GABRR2: variants seen among roughly 807,000 people sequenced by gnomAD.
GABRR2 encodes gamma-aminobutyric acid receptor subunit rho-2.
GABRR2 carries 36 observed loss-of-function variants against 47.0 expected under a neutral mutation model. That is an observed-to-expected ratio of 0.77 (90% CI 0.59 to 1.01). GABRR2 has a LOEUF of 1.01. GABRR2 is among the 50% of genes least tolerant of loss of function. The pLI is 0.00. For synonymous variants in GABRR2, 204 were observed against 227.5 expected (o/e 0.90, Z 0.93); for missense variants, 587 against 594.6 (o/e 0.99, Z 0.13).
At chr6:89,265,557 A>G (rs1380629266) in intron 7 of GABRR2, 56 bp downstream of exon 7, 6 of 1,537,710 alleles carry the variant, frequency 3.9e-6, no homozygotes, top group East Asian at 4.6e-5. Flanking sequence ...TTTTGTAAAC[A>G]TAGTGATAAG....
intron 2 of GABRR2, among the ~76,000 whole-genome samples, chr6:89,282,197 T>C (rs1320769603): frequency 6.6e-6 from 1 of 152,078 alleles, no homozygotes; most frequent in Non-Finnish European, 1.5e-5. Flanking sequence ...GCCCCCCTCC[T>C]CCACCACACC....
chr6:89,289,600 G>C (rs1223972112), intron 2 of GABRR2, among the ~76,000 whole-genome samples: 1 of 152,152 alleles, frequency 6.6e-6, no homozygotes, highest in East Asian at 1.9e-4. Flanking sequence ...TGTAAGGGAT[G>C]GGGGGCACGC....
At chr6:89,311,289 CA>C (rs1182752911) in intron 1 of GABRR2, among the ~76,000 whole-genome samples, 9 of 152,206 alleles carry the variant, frequency 5.9e-5, no homozygotes, top group African/African-American at 2.2e-4. Flanking sequence ...TCCTGGTCAG[CA>C]CAGTTTTACA....
intron 1 of GABRR2, among the ~76,000 whole-genome samples, chr6:89,306,779 TA>T (rs1328510716): frequency 8.4e-6 from 1 of 119,626 alleles, no homozygotes; most frequent in Non-Finnish European, 1.8e-5. Flanking sequence ...CAGTTATTAC[TA>T]AACAAAAAAA....
At chr6:89,277,628 T>G (rs1006680651) in intron 2 of GABRR2, among the ~76,000 whole-genome samples, 8 of 51,052 alleles carry the variant, frequency 1.6e-4, no homozygotes, top group African/African-American at 8.8e-4. Flanking sequence ...AAAACACACA[T>G]GTACCTGAAT....
intron 2 of GABRR2, among the ~76,000 whole-genome samples, chr6:89,280,169 A>G (rs1259446163): frequency 1.3e-5 from 2 of 148,266 alleles, no homozygotes; most frequent in Non-Finnish European, 3.0e-5. Flanking sequence ...AGATCGTGCC[A>G]CTATATTCCA....
At chr6:89,290,628 C>T (rs1351863727) in intron 2 of GABRR2, among the ~76,000 whole-genome samples, 3 of 152,208 alleles carry the variant, frequency 2.0e-5, no homozygotes, top group Non-Finnish European at 2.9e-5. Flanking sequence ...GAGCAGGGCC[C>T]CTCTTGCCTG....
Position 89,257,751 on chromosome 6 carries a change from A to C in GABRR2, c.1317T>G (p.His439Gln). ...QTGFRIFQNT[H>Q]AIDKYSRLIF... ...TCAACCTAGAGTATTTGTCAATGGC[A>C]TGGGTATTCTGGAAGATACGAAAAC... is the stretch of plus-strand genomic sequence containing the variant. The change falls in exon 9 of 9, where the codon CAT (histidine) becomes CAG (glutamine). Residue 439 changes from histidine to glutamine, a missense_variant. Physicochemically the swap from His to Gln is conservative, Grantham distance 24. Transcript: ENST00000402938. 1 of 1,614,014 alleles carries C rather than the reference A, an allele frequency of 6.2e-7. No homozygotes were observed. Among genetic ancestry groups the C allele is most frequent in the Non-Finnish European group, 8.5e-7 (1 of 1,179,862 alleles).
At position 89,265,721 on chromosome 6, in the gene GABRR2, T is replaced by C. The variant is rs1344350200; in HGVS notation, c.781A>G (p.Ile261Val). ...LYINFTLRRHIFFFLLQTYFP... is the reference protein window; with the variant it reads ...LYINFTLRRHVFFFLLQTYFP... Reference sequence around the variant, plus strand: ...TATGTTTGGAGCAAGAAGAAGAAGATGTGGCGACGCAACGTGAAGTTAATG... The same window carrying C: ...TATGTTTGGAGCAAGAAGAAGAAGACGTGGCGACGCAACGTGAAGTTAATG... The change falls in exon 7 of 9, where the codon ATC (isoleucine) becomes GTC (valine). Residue 261 changes from isoleucine to valine, a missense_variant. By Grantham distance (29) the Ile-to-Val change is conservative (BLOSUM62 3). Transcript: ENST00000402938. The C allele has an allele frequency of 2.5e-6, 4 of 1,613,908 alleles. No homozygotes were observed. Among genetic ancestry groups the C allele is most frequent in the Non-Finnish European group, 2.5e-6 (3 of 1,179,996 alleles).
rs548261145 is a variant in GABRR2 at position 89,295,243 on chromosome 6, C to T, written c.220+4516G>A. On this transcript the variant is annotated intron_variant, in intron 2 of 8. Coordinates refer to ENST00000402938, the MANE Select transcript of GABRR2 (RefSeq NM_002043.5). Reference sequence around the variant, plus strand: ...TATCTTCCACAATGGTTGAACTAGTCTACAGTCCCACCAACAGTGTAAAAG... The same window carrying T: ...TATCTTCCACAATGGTTGAACTAGTTTACAGTCCCACCAACAGTGTAAAAG... Among the ~76,000 whole-genome samples, 35 of 152,296 alleles carry T rather than the reference C, an allele frequency of 2.3e-4. No homozygotes were observed. In the South Asian group the frequency reaches 6.8e-3, roughly 30 times the overall value.
Position 89,255,109 on chromosome 6 carries a change from G to A in GABRR2, c.*2561C>T, listed in dbSNP as rs62416345. 0.13 allele frequency among the ~76,000 whole-genome samples: 19,578 copies of A among 152,122 alleles called. 1,520 individuals are homozygous for A. The highest frequency in any genetic ancestry group is 0.22 in the Middle Eastern group (65 of 294). The stretch of plus-strand genomic sequence containing the variant: ...AATGACAATAGAATTATCATTCTTC[G>A]AGCAGCACTGTGGCCTGGGAGAGTC... On this transcript the variant is annotated 3_prime_UTR_variant, in exon 9 of 9. Coordinates refer to ENST00000402938, the MANE Select transcript of GABRR2 (RefSeq NM_002043.5).
intron 5 of GABRR2, 88 bp from the exon 6 acceptor site, chr6:89,267,907 T>G: frequency 6.3e-7 from 1 of 1,575,320 alleles, no homozygotes; most frequent in Non-Finnish European, 8.7e-7. Context: ...AGTCCAGAAG[T>G]AAATAGGTCT....
intron 6 of GABRR2, among the ~76,000 whole-genome samples, chr6:89,266,560 C>A (rs1773899980): frequency 6.6e-6 from 1 of 152,194 alleles, no homozygotes; most frequent in Admixed American, 6.5e-5. Flanking sequence ...ACATTTGGGA[C>A]ATGAGGTAAT....
At chr6:89,279,114 AGCT>A (rs2127838934) in intron 2 of GABRR2, among the ~76,000 whole-genome samples, 1 of 152,314 alleles carries the variant, frequency 6.6e-6, no homozygotes, top group South Asian at 2.1e-4. Context: ...AGACGAAGCC[AGCT>A]CCCGAGCAGG....
chr6:89,303,127 C>T, intron 1 of GABRR2: 1 of 540,064 alleles, frequency 1.9e-6, no homozygotes, highest in South Asian at 1.6e-5. Context: ...CTGCTTGCAG[C>T]TGGAGTGAGG....
intron 2 of GABRR2, among the ~76,000 whole-genome samples, chr6:89,285,006 C>T (rs1774309697): frequency 6.6e-6 from 1 of 152,168 alleles, no homozygotes; most frequent in Admixed American, 6.5e-5. Flanking sequence ...GGCACACAGC[C>T]CCGTATCCCT....
At chr6:89,260,345 T>G (rs947373748) in intron 8 of GABRR2, among the ~76,000 whole-genome samples, 2 of 152,236 alleles carry the variant, frequency 1.3e-5, no homozygotes, top group African/African-American at 4.8e-5. Context: ...TCTGCTAAAA[T>G]GAAAATAGAC....
At chr6:89,261,492 C>A (rs1228289490) in intron 8 of GABRR2, among the ~76,000 whole-genome samples, 3 of 152,170 alleles carry the variant, frequency 2.0e-5, no homozygotes, top group Non-Finnish European at 4.4e-5. Flanking sequence ...GCTGAACACA[C>A]CTTGTTATTC....
chr6:89,289,276 T>C (rs1272500633), intron 2 of GABRR2, among the ~76,000 whole-genome samples: 1 of 151,772 alleles, frequency 6.6e-6, no homozygotes, highest in African/African-American at 2.4e-5. Context: ...TGCAGAGAGG[T>C]ATCGAGATCC....
Sources: allele counts gnomAD v4.1 joint callset (sites outside exome capture counted in the v4.1 genomes callset), GRCh38; gene constraint gnomAD v4.1.1; transcripts MANE v1.5; gene names NCBI Gene and HGNC (gene_info 2026-07-23, HGNC 2026-07-21).